SORCS2: variants seen among roughly 807,000 people sequenced by gnomAD.
The protein encoded by SORCS2 is sortilin related VPS10 domain containing receptor 2.
A neutral mutation model predicts 141.6 loss-of-function variants in SORCS2; 100 were observed. That is an observed-to-expected ratio of 0.71 (90% CI 0.60 to 0.83). SORCS2 has a LOEUF of 0.83. Among genes scored for constraint, SORCS2 ranks in the 40% least tolerant of loss-of-function variants. SORCS2 has a pLI of 0.00. For synonymous variants in SORCS2, 789 were observed against 676.9 expected, an observed-to-expected ratio of 1.17 and a Z score of -2.57; for missense variants, 1,646 against 1,560.2, an observed-to-expected ratio of 1.05 and a Z score of -0.93.
intron 2 of SORCS2, among the ~76,000 whole-genome samples, chr4:7,509,255 G>A (rs1412976486): frequency 6.6e-6 from 1 of 152,172 alleles, no homozygotes; most frequent in Non-Finnish European, 1.5e-5. Flanking sequence ...CAGCCTGGGG[G>A]CCAGGGCCAC....
At chr4:7,700,868 G>A (rs1209158572) in intron 12 of SORCS2, among the ~76,000 whole-genome samples, 1 of 152,232 alleles carries the variant, frequency 6.6e-6, no homozygotes, top group African/African-American at 2.4e-5. Context: ...TCCACAGACA[G>A]AGTCCCCGTG....
At chr4:7,592,439 C>A (rs1025744785) in intron 3 of SORCS2, among the ~76,000 whole-genome samples, 7 of 152,206 alleles carry the variant, frequency 4.6e-5, no homozygotes, top group African/African-American at 1.7e-4. Context: ...TGCTCACCAG[C>A]ACCCAGCTCC....
chr4:7,328,449 A>G (rs1719426364), intron 1 of SORCS2, among the ~76,000 whole-genome samples: 1 of 151,964 alleles, frequency 6.6e-6, no homozygotes, highest in South Asian at 2.1e-4. Context: ...TAGATGTTAA[A>G]TCGCTTGGCC....
chr4:7,437,341 G>C (rs1276269535), intron 2 of SORCS2, among the ~76,000 whole-genome samples: 1 of 152,208 alleles, frequency 6.6e-6, no homozygotes, highest in African/African-American at 2.4e-5. Context: ...ACAAGGCAAG[G>C]ACTAGGGGCC....
intron 1 of SORCS2, among the ~76,000 whole-genome samples, chr4:7,318,720 C>G (rs886270994): frequency 1.3e-5 from 2 of 152,156 alleles, no homozygotes; most frequent in Non-Finnish European, 2.9e-5. Flanking sequence ...ATTCTTTTTT[C>G]CCTTCCAGGT....
chr4:7,622,085 G>C (rs1419082008), intron 3 of SORCS2, among the ~76,000 whole-genome samples: 1 of 152,156 alleles, frequency 6.6e-6, no homozygotes, highest in African/African-American at 2.4e-5. Context: ...CGGCCCCTGG[G>C]GGAATTGCCA....
intron 3 of SORCS2, among the ~76,000 whole-genome samples, chr4:7,541,224 G>A (rs1015612871): frequency 5.9e-5 from 9 of 152,168 alleles, no homozygotes; most frequent in South Asian, 2.1e-4. Flanking sequence ...TGTGGCCTCC[G>A]GTGGTGTAGG....
At chr4:7,578,923 C>T (rs144799449) in intron 3 of SORCS2, among the ~76,000 whole-genome samples, 15 of 152,324 alleles carry the variant, frequency 9.8e-5, no homozygotes, top group East Asian at 9.6e-4. Context: ...TCACTACTTC[C>T]GAGGTCTGGC....
intron 1 of SORCS2, among the ~76,000 whole-genome samples, chr4:7,334,301 C>T (rs1410832490): frequency 6.6e-6 from 1 of 152,146 alleles, no homozygotes; most frequent in South Asian, 2.1e-4. Context: ...CCTCCTTCCC[C>T]AGCCTGCCTT....
intron 1 of SORCS2, chr4:7,382,004 C>G: frequency 1.0e-6 from 1 of 984,798 alleles, no homozygotes; most frequent in Non-Finnish European, 1.2e-6. Context: ...TGAACAGGAC[C>G]AGGGACACAA....
At chr4:7,398,731 C>T (rs1001918900) in intron 2 of SORCS2, among the ~76,000 whole-genome samples, 7 of 152,162 alleles carry the variant, frequency 4.6e-5, no homozygotes, top group Admixed American at 2.0e-4. Context: ...ACAGGGTCTG[C>T]GTCATCATTT....
intron 3 of SORCS2, among the ~76,000 whole-genome samples, chr4:7,555,990 A>T (rs919024900): frequency 2.6e-5 from 4 of 152,242 alleles, no homozygotes; most frequent in Non-Finnish European, 5.9e-5. Context: ...AGTCCTGGAA[A>T]CAGTGCCGAT....
chr4:7,246,321 C>G (rs954695778), intron 1 of SORCS2, among the ~76,000 whole-genome samples: 1 of 152,198 alleles, frequency 6.6e-6, no homozygotes, highest in African/African-American at 2.4e-5. Flanking sequence ...ACATCCGGAT[C>G]CCTCCAGGGT....
At chr4:7,701,299 G>A (rs544842100) in intron 12 of SORCS2, among the ~76,000 whole-genome samples, 1 of 151,960 alleles carries the variant, frequency 6.6e-6, no homozygotes, top group South Asian at 2.1e-4. Flanking sequence ...AGGGAGGGAA[G>A]GTTTTGGGAC....
At chr4:7,291,149 C>T (rs1357420348) in intron 1 of SORCS2, among the ~76,000 whole-genome samples, 2 of 152,044 alleles carry the variant, frequency 1.3e-5, no homozygotes, top group Non-Finnish European at 2.9e-5. Context: ...GCAGAGGCAC[C>T]TGTGACATGA....
intron 1 of SORCS2, among the ~76,000 whole-genome samples, chr4:7,387,937 G>GATACACATACACACATGCACACACAC (rs1428708127): frequency 8.2e-5 from 4 of 48,784 alleles, no homozygotes; most frequent in South Asian, 7.0e-4. Context: ...TGCACACACC[G>GATACACATACACACATGCACACACAC]ATACACATAC....
intron 12 of SORCS2, among the ~76,000 whole-genome samples, chr4:7,698,141 G>A (rs1441907073): frequency 6.6e-6 from 1 of 152,230 alleles, no homozygotes; most frequent in Non-Finnish European, 1.5e-5. Flanking sequence ...CTTTCCAGGG[G>A]GCGGGGAACA....
Position 7,648,479 on chromosome 4 carries a change from C to T in SORCS2, c.814-5655C>T, listed in dbSNP as rs1721225802. ...GGACTCAGCCCCCGCCTTCCTCTGCCTGGGAGTATTTATAGAGGGCCTTCT... is the reference window on the plus strand; with the variant it reads ...GGACTCAGCCCCCGCCTTCCTCTGCTTGGGAGTATTTATAGAGGGCCTTCT... On this transcript the variant is annotated intron_variant, in intron 4 of 26. Transcript: ENST00000507866. The surrounding 1 kb of genome is among the most constrained non-coding windows in gnomAD (Gnocchi z 4.2). 6.6e-6 allele frequency among the ~76,000 whole-genome samples: 1 copy of T among 152,168 alleles called. No homozygotes were observed. The highest frequency in any genetic ancestry group is 6.5e-5 in the Admixed American group (1 of 15,280).
intron 1 of SORCS2, among the ~76,000 whole-genome samples, chr4:7,362,853 T>C (rs975757155): frequency 6.6e-6 from 1 of 150,848 alleles, no homozygotes; most frequent in African/African-American, 2.4e-5. Flanking sequence ...ATTATCACCA[T>C]CATCACCACC....
Sources: allele counts gnomAD v4.1 joint callset (sites outside exome capture counted in the v4.1 genomes callset), GRCh38; gene constraint gnomAD v4.1.1; non-coding constraint Gnocchi (gnomAD v3.1); transcripts MANE v1.5; gene names NCBI Gene and HGNC (gene_info 2026-07-23, HGNC 2026-07-21).